TBC1D5: variants seen among roughly 807,000 people sequenced by gnomAD.
TBC1D5 encodes TBC1 domain family member 5, also known as TBC1 domain family, member 5.
In TBC1D5, 75 loss-of-function variants were observed where a neutral mutation model predicts 100.3. That is an observed-to-expected ratio of 0.75 (90% confidence interval 0.62 to 0.91). The LOEUF is 0.91. Ranked by LOEUF, TBC1D5 falls within the 40% of genes least tolerant of loss-of-function variation. The pLI is 0.00. For missense variants in TBC1D5, 910 were observed against 942.4 expected, an observed-to-expected ratio of 0.97 and a Z score of 0.45; for synonymous variants, 323 against 325.6, an observed-to-expected ratio of 0.99 and a Z score of 0.09.
chr3:17,606,621 T>C (rs762192630), intron 2 of TBC1D5, among the ~76,000 whole-genome samples: 32 of 152,250 alleles, frequency 2.1e-4, no homozygotes, highest in Admixed American at 6.5e-4. Flanking sequence ...AAGAAATGCT[T>C]AATTCAATAT....
At chr3:17,659,106 C>T (rs1384181711) in intron 1 of TBC1D5, among the ~76,000 whole-genome samples, 1 of 152,096 alleles carries the variant, frequency 6.6e-6, no homozygotes, top group African/African-American at 2.4e-5. Flanking sequence ...GGGAAGGGAA[C>T]CTGCAACCAG....
chr3:17,595,935 G>A (rs911978495), intron 2 of TBC1D5, among the ~76,000 whole-genome samples: 7 of 152,164 alleles, frequency 4.6e-5, no homozygotes, highest in Non-Finnish European at 1.0e-4. Flanking sequence ...CGATACATAG[G>A]GTTGTGCATC....
chr3:17,699,958 C>T (rs1415825583), intron 1 of TBC1D5: 1 of 152,176 alleles, frequency 6.6e-6, no homozygotes, highest in Non-Finnish European at 1.5e-5. Context: ...GCTCTGCCCC[C>T]TGAGATATAC....
At position 17,664,124 on chromosome 3, in the gene TBC1D5, C is replaced by T. The variant is rs192942228; in HGVS notation, c.-100-40211G>A. 1.0e-3 allele frequency among the ~76,000 whole-genome samples: 158 copies of T among 152,268 alleles called. 2 individuals carry two copies. In the South Asian group the frequency reaches 0.019, roughly 19 times the overall value. On this transcript the variant is annotated intron_variant, in intron 1 of 21. Coordinates refer to ENST00000253692, the Ensembl canonical transcript of TBC1D5. ...TCACTCTGTGGCCCAGGCTGGAGTG[C>T]CGTGGCATGATCTCAGCTTGCTGCA...
rs202140193 is a variant in TBC1D5, at chr3:17,597,618, A to G, written c.-36+26231T>C. ...AGCCAAATATCCCCAAAGTAATGACATAAGTCTGTCCCTCTGGTTTTTATG... is the reference window on the plus strand; with the variant it reads ...AGCCAAATATCCCCAAAGTAATGACGTAAGTCTGTCCCTCTGGTTTTTATG... On this transcript the variant is annotated intron_variant, in intron 2 of 21. Transcript: ENST00000253692. Among the ~76,000 whole-genome samples the G allele has an allele frequency of 7.9e-5, 12 of 152,336 alleles. No homozygotes were observed. In the East Asian group the frequency reaches 2.1e-3, roughly 27 times the overall value.
At chr3:17,381,098 A>G (rs1318376593) in intron 9 of TBC1D5, among the ~76,000 whole-genome samples, 2 of 152,076 alleles carry the variant, frequency 1.3e-5, no homozygotes, top group African/African-American at 2.4e-5. Context: ...TTAAAATGAC[A>G]CCCAGGAGTA....
intron 19 of TBC1D5, among the ~76,000 whole-genome samples, chr3:17,170,394 A>C (rs1268174840): frequency 2.0e-5 from 3 of 152,200 alleles, no homozygotes; most frequent in Admixed American, 2.0e-4. Flanking sequence ...TTTGGGTTCA[A>C]GGAACTAAAG....
intron 1 of TBC1D5, among the ~76,000 whole-genome samples, chr3:17,721,337 C>A (rs954424520): frequency 6.6e-6 from 1 of 151,954 alleles, no homozygotes; most frequent in Non-Finnish European, 1.5e-5. Context: ...AGTGTAATGT[C>A]AAGTACATAG....
chr3:17,334,198 T>A (rs929623665), intron 13 of TBC1D5, among the ~76,000 whole-genome samples: 2 of 151,970 alleles, frequency 1.3e-5, no homozygotes, highest in African/African-American at 4.8e-5. Context: ...GGTAAGGATG[T>A]CAAGGAATAA....
chr3:17,485,339 T>TTAC (rs2095550439), intron 3 of TBC1D5, among the ~76,000 whole-genome samples: 1 of 151,114 alleles, frequency 6.6e-6, no homozygotes, highest in African/African-American at 2.4e-5. Context: ...TTCTTTATTA[T>TTAC]TATTATTATT....
At chr3:17,592,718 G>A (rs537378818) in intron 2 of TBC1D5, among the ~76,000 whole-genome samples, 10 of 152,356 alleles carry the variant, frequency 6.6e-5, no homozygotes, top group South Asian at 4.1e-4. Context: ...AGCAGATCCA[G>A]TGGTCCTTGA....
intron 2 of TBC1D5, among the ~76,000 whole-genome samples, chr3:17,537,054 T>C (rs571611358): frequency 2.0e-5 from 3 of 152,052 alleles, no homozygotes; most frequent in Non-Finnish European, 4.4e-5. Flanking sequence ...AGTAATGGAG[T>C]TTCCCCTTAA....
intron 19 of TBC1D5, among the ~76,000 whole-genome samples, chr3:17,176,054 C>T (rs1231200372): frequency 6.6e-6 from 1 of 152,184 alleles, no homozygotes; most frequent in Non-Finnish European, 1.5e-5. Flanking sequence ...CATGGAGAGG[C>T]AGCCTGGTGT....
chr3:17,286,949 C>G (rs1320654325), intron 15 of TBC1D5, among the ~76,000 whole-genome samples: 1 of 152,192 alleles, frequency 6.6e-6, no homozygotes, highest in African/African-American at 2.4e-5. Flanking sequence ...TTCTAAAACT[C>G]TGACAGCCTA....
At chr3:17,245,396 A>C (rs950796358) in intron 16 of TBC1D5, among the ~76,000 whole-genome samples, 3 of 152,218 alleles carry the variant, frequency 2.0e-5, no homozygotes, top group Admixed American at 2.0e-4. Flanking sequence ...AGATTCTTAA[A>C]GATCTTTATT....
At chr3:17,503,321 C>A (rs2095807063) in intron 3 of TBC1D5, among the ~76,000 whole-genome samples, 1 of 149,584 alleles carries the variant, frequency 6.7e-6, no homozygotes, top group Non-Finnish European at 1.5e-5. Flanking sequence ...CCTTGATCCA[C>A]CATTACCACA....
chr3:17,499,000 G>T (rs958444457), intron 3 of TBC1D5, among the ~76,000 whole-genome samples: 2 of 152,074 alleles, frequency 1.3e-5, no homozygotes, highest in African/African-American at 4.8e-5. Flanking sequence ...TTGGTTGGGG[G>T]GTGGCAGGGG....
intron 1 of TBC1D5, among the ~76,000 whole-genome samples, chr3:17,701,591 C>T (rs1250239985): frequency 2.0e-5 from 3 of 151,904 alleles, no homozygotes; most frequent in African/African-American, 7.3e-5. Flanking sequence ...GCCAAGATAG[C>T]GCCACTGCAC....
intron 2 of TBC1D5, among the ~76,000 whole-genome samples, chr3:17,584,734 G>A (rs1047592442): frequency 2.0e-5 from 3 of 152,208 alleles, no homozygotes; most frequent in African/African-American, 4.8e-5. Context: ...TCGGCTCACT[G>A]CAACCTCCAC....
Sources: gnomAD v4.1 joint callset for allele counts (sites outside exome capture counted in the v4.1 genomes callset) on GRCh38, gnomAD v4.1.1 for gene constraint, MANE v1.5 for transcripts, NCBI Gene and HGNC (gene_info 2026-07-23, HGNC 2026-07-21) for gene names.